PCIF1: variants seen among roughly 807,000 people sequenced by gnomAD.
PCIF1 encodes mRNA (2'-O-methyladenosine-N(6)-)-methyltransferase.
A neutral mutation model predicts 86.9 loss-of-function variants in PCIF1; 12 were observed. That is an observed-to-expected ratio of 0.14 (90% CI 0.09 to 0.22). The LOEUF (loss-of-function observed/expected upper bound fraction) is 0.22, where lower values mean the gene tolerates loss of function less well. Ranked by LOEUF, PCIF1 falls within the 10% of genes least tolerant of loss-of-function variation. PCIF1 has a pLI of 1.00. For synonymous variants in PCIF1, 397 were observed against 372.0 expected, an observed-to-expected ratio of 1.07 and a Z score of -0.77; for missense variants, 701 against 951.1, an observed-to-expected ratio of 0.74 and a Z score of 3.46.
rs1017031825 is a variant in PCIF1 at position 45,937,553 on chromosome 20, A to C, written c.-52A>C. On this transcript the variant is annotated 5_prime_UTR_variant, in exon 2 of 17. Transcript: ENST00000372409. ...GGGGTCCATCCGGCTGGAGAAGAAA[A>C]GCCTCTCATGCTAACGTTGCAGACC... The C allele has an allele frequency of 2.8e-5, 11 of 398,900 alleles. No individual in the cohort carries two copies. The highest frequency in any genetic ancestry group is 4.9e-5 in the Non-Finnish European group (11 of 226,098). The allele number at this position is 398,900 out of a possible 1,614,324, so 24.7% of individuals were successfully genotyped here.
chr20:45,943,387 A>G lies in PCIF1; in HGVS notation c.869A>G (p.Lys290Arg). The G allele has an allele frequency of 6.2e-7, 1 of 1,614,008 alleles. No individual in the cohort carries two copies. Among genetic ancestry groups the G allele is most frequent in the South Asian group, 1.1e-5 (1 of 91,078 alleles). ...GAGGAAGCCAAGCGCCTGCTCTTTA[A>G]ATATGCGGAGGCCGCCAGGCGGCTC... is the stretch of plus-strand genomic sequence containing the variant. ...FREEAKRLLF[K>R]YAEAARRLIE... is the part of the protein sequence containing the mutation. Residue 290 changes from lysine to arginine, a missense_variant, in exon 9 of 17, where the codon AAA (lysine) becomes AGA (arginine). By Grantham distance (26) the Lys-to-Arg change is conservative (BLOSUM62 2). Coordinates refer to ENST00000372409, the MANE Select transcript of PCIF1 (RefSeq NM_022104.4). The surrounding 1 kb of genome is among the most constrained non-coding windows in gnomAD (Gnocchi z 5.5).
At chr20:45,942,296 A>C (rs1037097797) in intron 7 of PCIF1, among the ~76,000 whole-genome samples, 17 of 105,288 alleles carry the variant, frequency 1.6e-4, no homozygotes, top group South Asian at 2.8e-4. Context: ...TTTTTTTTTT[A>C]CATTATGTAA....
chr20:45,937,401 T>C lies in PCIF1; in HGVS notation c.-187-17T>C. 1 of 399,386 alleles carries C rather than the reference T, an allele frequency of 2.5e-6. No individual in the cohort carries two copies. The highest frequency in any genetic ancestry group is 4.4e-6 in the Non-Finnish European group (1 of 226,314). 24.7% of individuals were successfully genotyped at this position (399,386 alleles called of 1,614,324 possible). ...GCATCCCACAGGTCTGTGACTGTTT[T>C]CCTATTTGCTTTCCAGCTGCTGATG... On this transcript the variant is annotated splice_polypyrimidine_tract_variant and intron_variant, in intron 1 of 16. Coordinates refer to ENST00000372409, the MANE Select transcript of PCIF1 (RefSeq NM_022104.4).
At chr20:45,942,740 G>A (rs574035859) in intron 7 of PCIF1, among the ~76,000 whole-genome samples, 4 of 150,034 alleles carry the variant, frequency 2.7e-5, no homozygotes, top group African/African-American at 9.8e-5. Context: ...TCAGCCTCCC[G>A]AGGAGCTGGG....
At chr20:45,945,649 C>A in intron 11 of PCIF1, 62 bp from the exon 12 acceptor site, 1 of 1,569,978 alleles carries the variant, frequency 6.4e-7, no homozygotes, top group South Asian at 1.2e-5. Context: ...AAGCATGTGG[C>A]CCACAGTGGC....
rs780815783 is a variant in PCIF1 at position 45,942,766 on chromosome 20, CTTTTTTTTT to C, written c.674-312_674-304del. On this transcript the variant is annotated intron_variant, in intron 7 of 16. Coordinates refer to ENST00000372409, the MANE Select transcript of PCIF1 (RefSeq NM_022104.4). ...AGGAGCTGGGACACCCAGCTAATTT[CTTTTTTTTT>C]TTTTTTTTTTTTTTTTTTGTAGAGA... Among the ~76,000 whole-genome samples, 9 of 71,744 alleles carry C rather than the reference CTTTTTTTTT, an allele frequency of 1.3e-4. 1 individual carries two copies. Among genetic ancestry groups the C allele is most frequent in the Admixed American group, 4.6e-4 (3 of 6,570 alleles). The allele number at this position is 71,744 out of a possible 152,430, so 47.1% of individuals were successfully genotyped here. A position where few individuals can be genotyped will look rare whatever the true frequency, so the allele number is the denominator to read the frequency against.
intron 13 of PCIF1, 25 bp from the exon 14 acceptor site, chr20:45,946,175 G>C (rs766729073): frequency 6.2e-7 from 1 of 1,614,188 alleles, no homozygotes; most frequent in Admixed American, 1.7e-5. Flanking sequence ...GTGAGCCCCA[G>C]GTGCTGACGG....
intron 2 of PCIF1, 81 bp from the exon 3 acceptor site, chr20:45,938,900 G>T: frequency 6.4e-7 from 1 of 1,550,766 alleles, no homozygotes; most frequent in Non-Finnish European, 8.7e-7. Flanking sequence ...CACATCGGTG[G>T]GTGGTCACTG....
In PCIF1 at chr20:45,947,984, GT is replaced by G; in HGVS notation, c.*232del. Reference sequence around the variant, plus strand: ...CCGCCCCTCACCCTGTTGCCACCTTGTTTCATTTGTAAAAGGAAATACAGAA... The same window carrying G: ...CCGCCCCTCACCCTGTTGCCACCTTGTTCATTTGTAAAAGGAAATACAGAA... On this transcript the variant is annotated 3_prime_UTR_variant, in exon 17 of 17. Transcript: ENST00000372409. The surrounding 1 kb of genome is among the most constrained non-coding windows in gnomAD (Gnocchi z 5.4). 1 of 1,521,900 alleles carries G rather than the reference GT, an allele frequency of 6.6e-7. No homozygotes were observed. The highest frequency in any genetic ancestry group is 8.8e-7 in the Non-Finnish European group (1 of 1,137,168). 94.3% of individuals were successfully genotyped at this position (1,521,900 alleles called of 1,614,324 possible).
rs746896913 is a variant in PCIF1 at position 45,947,974 on chromosome 20, T to C, written c.*219T>C. ...CTTCCCAACCCCGCCCCTCACCCTG[T>C]TGCCACCTTGTTTCATTTGTAAAAG... On this transcript the variant is annotated 3_prime_UTR_variant, in exon 17 of 17. Transcript: ENST00000372409. The surrounding 1 kb of genome is among the most constrained non-coding windows in gnomAD (Gnocchi z 5.4). The C allele has an allele frequency of 6.5e-7, 1 of 1,527,128 alleles. No homozygotes were observed. Among genetic ancestry groups the C allele is most frequent in the South Asian group, 1.2e-5 (1 of 83,074 alleles). The allele number at this position is 1,527,128 out of a possible 1,614,324, so 94.6% of individuals were successfully genotyped here. A position where few individuals can be genotyped will look rare whatever the true frequency, so the allele number is the denominator to read the frequency against.
Position 45,946,304 on chromosome 20 carries a change from C to T in PCIF1, c.1533C>T (p.Cys511=). 1 of 1,614,164 alleles carries T rather than the reference C, an allele frequency of 6.2e-7. No individual in the cohort carries two copies. The highest frequency in any genetic ancestry group is 1.1e-5 in the South Asian group (1 of 91,086). Reference sequence around the variant, plus strand: ...GACTCTTTGGCGTCAGCTTCGAGTGCTTCGCCTCACCCCTCAACTGCTACT... The same window carrying T: ...GACTCTTTGGCGTCAGCTTCGAGTGTTTCGCCTCACCCCTCAACTGCTACT... ...LHRLFGVSFE[C]FASPLNCYFR... The change falls in exon 14 of 17, where the codon TGC becomes TGT. Residue 511 remains cysteine (C), a synonymous_variant. Transcript: ENST00000372409.
Position 45,939,032 on chromosome 20 carries a change from G to C in PCIF1, c.33G>C (p.Glu11Asp). The change falls in exon 3 of 17, where the codon GAG (glutamate) becomes GAC (aspartate). Residue 11 changes from glutamate (E) to aspartate (D), a missense_variant. Physicochemically the swap from Glu to Asp is conservative, Grantham distance 45. Around this residue, in one of 7 missense-constraint regions of PCIF1, gnomAD observed 60 missense variants for 58.6 expected, o/e 1.02. Coordinates refer to ENST00000372409, the MANE Select transcript of PCIF1 (RefSeq NM_022104.4). MANENHGSPR[E>D]EASLLSHSPG... is the part of the protein sequence containing the mutation. ...ATGAGAATCACGGCAGCCCCCGGGA[G>C]GAAGCGTCCCTGCTGAGTCACTCCC... is the stretch of plus-strand genomic sequence containing the variant. 6.2e-7 allele frequency: 1 copy of C among 1,614,040 alleles called. No individual in the cohort carries two copies. Among genetic ancestry groups the C allele is most frequent in the Non-Finnish European group, 8.5e-7 (1 of 1,179,982 alleles).
Position 45,946,281 on chromosome 20 carries a change from C to T in PCIF1, c.1510C>T (p.Leu504Phe), listed in dbSNP as rs2083525737. The change falls in exon 14 of 17, where the codon CTC (leucine) becomes TTC (phenylalanine). Residue 504 changes from leucine to phenylalanine, a missense_variant. Physicochemically the swap from Leu to Phe is conservative, Grantham distance 22. Coordinates refer to ENST00000372409, the MANE Select transcript of PCIF1 (RefSeq NM_022104.4). ...GCATGTCTTTGAGGCCCTCCACCGA[C>T]TCTTTGGCGTCAGCTTCGAGTGCTT... ...PVHVFEALHR[L>F]FGVSFECFAS... 6.2e-7 allele frequency: 1 copy of T among 1,614,208 alleles called. No homozygotes were observed. The highest frequency in any genetic ancestry group is 8.5e-7 in the Non-Finnish European group (1 of 1,180,050).
chr20:45,942,839 A>G (rs941780803), intron 7 of PCIF1, among the ~76,000 whole-genome samples: 14 of 128,216 alleles, frequency 1.1e-4, no homozygotes, highest in Non-Finnish European at 2.0e-4. Context: ...TCTTGAACTC[A>G]TGGGCTCAAG....
intron 12 of PCIF1, 27 bp downstream of exon 12, chr20:45,945,910 A>G: frequency 6.2e-7 from 1 of 1,613,442 alleles, no homozygotes; most frequent in Non-Finnish European, 8.5e-7. Context: ...GGAAGGCCCT[A>G]GCTGATGGCA....
intron 14 of PCIF1, among the ~76,000 whole-genome samples, 194 bp downstream of exon 14, chr20:45,946,578 G>A (rs1381272512): frequency 1.3e-5 from 2 of 151,118 alleles, no homozygotes; most frequent in Admixed American, 6.7e-5. Context: ...GGGCAGGCAC[G>A]TGACACCCCT....
chr20:45,935,431 G>A (rs1176786308), intron 1 of PCIF1, among the ~76,000 whole-genome samples: 3 of 152,164 alleles, frequency 2.0e-5, no homozygotes, highest in African/African-American at 7.2e-5. Context: ...TCAAACTGCG[G>A]TATGCGTGGG....
At chr20:45,946,427 G>T in intron 14 of PCIF1, 43 bp downstream of exon 14, 7 of 1,594,958 alleles carry the variant, frequency 4.4e-6, no homozygotes, top group Non-Finnish European at 6.0e-6. Flanking sequence ...CAGGGAAGAG[G>T]TCCTCCAGAG....
chr20:45,940,392 G>T, intron 4 of PCIF1, 83 bp from the exon 5 acceptor site: 1 of 1,455,064 alleles, frequency 6.9e-7, no homozygotes, highest in South Asian at 1.4e-5. Flanking sequence ...TAGGAGCAGG[G>T]GTGGGAGGGC....
Sources: allele counts gnomAD v4.1 joint callset (sites outside exome capture counted in the v4.1 genomes callset), GRCh38; gene constraint gnomAD v4.1.1; regional missense constraint gnomAD v4.1.1; non-coding constraint Gnocchi (gnomAD v3.1); transcripts MANE v1.5; gene names NCBI Gene and HGNC (gene_info 2026-07-23, HGNC 2026-07-21).